CSMD3: variants seen among roughly 807,000 people sequenced by gnomAD.
The protein encoded by CSMD3 is CUB and Sushi multiple domains 3, also known as CUB and sushi domain-containing protein 3.
A neutral mutation model predicts 435.2 loss-of-function variants in CSMD3; 177 were observed. That is an observed-to-expected ratio of 0.41 (90% CI 0.36 to 0.46). The LOEUF (loss-of-function observed/expected upper bound fraction) is 0.46. Among genes scored for constraint, CSMD3 ranks in the 20% least tolerant of loss-of-function variants. The pLI is 0.34. For synonymous variants in CSMD3, 1,656 were observed against 1,520.5 expected, an observed-to-expected ratio of 1.09 and a Z score of -2.07; for missense variants, 4,265 against 4,504.6, an observed-to-expected ratio of 0.95 and a Z score of 1.52.
chr8:113,352,496 C>T (rs1373933175), intron 1 of CSMD3, among the ~76,000 whole-genome samples: 1 of 152,108 alleles, frequency 6.6e-6, no homozygotes, highest in Non-Finnish European at 1.5e-5. Context: ...AAATTTTAAA[C>T]CACCAAGTCT....
chr8:112,433,333 G>T (rs1051578844), intron 32 of CSMD3, among the ~76,000 whole-genome samples: 1 of 151,602 alleles, frequency 6.6e-6, no homozygotes, highest in African/African-American at 2.4e-5. Flanking sequence ...GATGTCTGGG[G>T]ACATATTTAG....
intron 12 of CSMD3, among the ~76,000 whole-genome samples, chr8:112,820,885 TGA>T (rs1380347811): frequency 6.6e-6 from 1 of 152,172 alleles, no homozygotes; most frequent in African/African-American, 2.4e-5. Context: ...CTCCCACTTA[TGA>T]GTGAGAACAT....
chr8:112,434,193 AG>A (rs1451958974), intron 32 of CSMD3, among the ~76,000 whole-genome samples: 1 of 152,218 alleles, frequency 6.6e-6, no homozygotes, highest in Non-Finnish European at 1.5e-5. Context: ...TCCCTAACAA[AG>A]TAACTTTGGA....
At chr8:112,824,980 T>C (rs989388435) in intron 12 of CSMD3, among the ~76,000 whole-genome samples, 1 of 152,236 alleles carries the variant, frequency 6.6e-6, no homozygotes, top group Non-Finnish European at 1.5e-5. Context: ...TAGTTCCATA[T>C]TTCTCAGAGG....
intron 6 of CSMD3, among the ~76,000 whole-genome samples, chr8:112,994,292 A>G (rs1392513068): frequency 6.6e-6 from 1 of 151,734 alleles, no homozygotes; most frequent in East Asian, 1.9e-4. Flanking sequence ...GACCTGTCCA[A>G]CTCAATGAAC....
chr8:112,879,752 C>T (rs573547767), intron 10 of CSMD3, among the ~76,000 whole-genome samples: 2 of 152,176 alleles, frequency 1.3e-5, no homozygotes, highest in East Asian at 3.9e-4. Flanking sequence ...GTATCAGGTG[C>T]TGGTTCCCCT....
intron 32 of CSMD3, among the ~76,000 whole-genome samples, chr8:112,464,848 T>C (rs1316565151): frequency 6.6e-6 from 1 of 152,174 alleles, no homozygotes; most frequent in Non-Finnish European, 1.5e-5. Context: ...GCACACCCTA[T>C]AATCTAAAGG....
chr8:112,890,967 C>A (rs575961393), intron 10 of CSMD3, among the ~76,000 whole-genome samples: 2 of 151,608 alleles, frequency 1.3e-5, no homozygotes, highest in Non-Finnish European at 3.0e-5. Flanking sequence ...TACAAGATTG[C>A]AGTTAGCTCT....
chr8:112,926,821 C>T (rs765857462), intron 9 of CSMD3, among the ~76,000 whole-genome samples: 2 of 152,016 alleles, frequency 1.3e-5, no homozygotes, highest in Non-Finnish European at 2.9e-5. Context: ...ATCTTGACAG[C>T]ATTACATCAA....
chr8:112,997,099 GATGAA>G (rs939241931), intron 6 of CSMD3, among the ~76,000 whole-genome samples: 1 of 151,538 alleles, frequency 6.6e-6, no homozygotes, highest in Non-Finnish European at 1.5e-5. Flanking sequence ...AAGTTGTAAT[GATGAA>G]ATGAAATGTA....
At chr8:112,413,162 A>C (rs1465447596) in intron 32 of CSMD3, among the ~76,000 whole-genome samples, 1 of 152,156 alleles carries the variant, frequency 6.6e-6, no homozygotes, top group African/African-American at 2.4e-5. Context: ...TATAACCTTT[A>C]TCCCAATTTT....
Position 112,675,690 on chromosome 8 carries a change from T to C in CSMD3, c.2677+6752A>G, listed in dbSNP as rs140482250. ...TACAAATTTCAGTATCTGCATGGGA[T>C]CTGGAAGGAAATGACAAGGTACTGC... On this transcript the variant is annotated intron_variant, in intron 16 of 70. Coordinates refer to ENST00000297405, the MANE Select transcript of CSMD3 (RefSeq NM_198123.2). Among the ~76,000 whole-genome samples the C allele has an allele frequency of 3.6e-4, 55 of 152,156 alleles. 1 individual carries two copies. The highest frequency in any genetic ancestry group is 1.4e-3 in the Admixed American group (21 of 15,250).
At chr8:113,230,834 T>G (rs1324892124) in intron 3 of CSMD3, among the ~76,000 whole-genome samples, 2 of 151,514 alleles carry the variant, frequency 1.3e-5, no homozygotes, top group African/African-American at 2.4e-5. Context: ...AGAATAAAAT[T>G]TCTCATGTAA....
intron 4 of CSMD3, among the ~76,000 whole-genome samples, chr8:113,115,668 T>C (rs1315507494): frequency 6.6e-6 from 1 of 152,242 alleles, no homozygotes; most frequent in Non-Finnish European, 1.5e-5. Context: ...TACGTGTCAC[T>C]AATTTAACTG....
At chr8:112,485,460 T>C (rs1355587517) in intron 31 of CSMD3, among the ~76,000 whole-genome samples, 1 of 152,120 alleles carries the variant, frequency 6.6e-6, no homozygotes, top group Non-Finnish European at 1.5e-5. Flanking sequence ...TATATTAGAT[T>C]AGATAATCTC....
At chr8:112,323,748 A>G (rs1327589458) in intron 45 of CSMD3, among the ~76,000 whole-genome samples, 2 of 152,046 alleles carry the variant, frequency 1.3e-5, no homozygotes, top group Non-Finnish European at 2.9e-5. Flanking sequence ...TCTCCCTGAT[A>G]CTACCCTTCT....
At chr8:112,333,298 G>T (rs891737138) in intron 45 of CSMD3, among the ~76,000 whole-genome samples, 1 of 152,126 alleles carries the variant, frequency 6.6e-6, no homozygotes, top group African/African-American at 2.4e-5. Flanking sequence ...CACCTGAGTA[G>T]CTGGGATTAC....
chr8:112,623,035 A>G lies in CSMD3; in HGVS notation c.3715+13782T>C, dbSNP rs530622019. Among the ~76,000 whole-genome samples, 7 of 152,232 alleles carry G rather than the reference A, an allele frequency of 4.6e-5. No homozygotes were observed. In the South Asian group the frequency reaches 1.2e-3, roughly 27 times the overall value. On this transcript the variant is annotated intron_variant, in intron 22 of 70. Coordinates refer to ENST00000297405, the MANE Select transcript of CSMD3 (RefSeq NM_198123.2). ...TATTACAGGGCTGCTGTTCATTACT[A>G]TATCAATTCTAATAAAACATATACT... is the stretch of plus-strand genomic sequence containing the variant.
At chr8:113,059,173 T>C (rs1306007228) in intron 5 of CSMD3, among the ~76,000 whole-genome samples, 4 of 152,186 alleles carry the variant, frequency 2.6e-5, no homozygotes, top group Non-Finnish European at 5.9e-5. Context: ...TTCATCCCTG[T>C]AGGCATCTCA....
Sources: allele counts gnomAD v4.1 joint callset (sites outside exome capture counted in the v4.1 genomes callset), GRCh38; gene constraint gnomAD v4.1.1; transcripts MANE v1.5; gene names NCBI Gene and HGNC (gene_info 2026-07-23, HGNC 2026-07-21).